TAFA5: variants seen among roughly 807,000 people sequenced by gnomAD.
The protein encoded by TAFA5 is chemokine-like protein TAFA-5.
Under a neutral mutation model 15.3 loss-of-function variants are expected in TAFA5, and 6 were observed. The observed-to-expected ratio is 0.39, with a 90% CI of 0.21 to 0.77. TAFA5 has a LOEUF of 0.77. Among genes scored for constraint, TAFA5 ranks in the 30% least tolerant of loss-of-function variants. TAFA5 has a pLI of 0.41. For synonymous variants in TAFA5, 103 were observed against 80.7 expected, an observed-to-expected ratio of 1.28 and a Z score of -1.48; for missense variants, 161 against 193.1, an observed-to-expected ratio of 0.83 and a Z score of 0.98.
intron 1 of TAFA5, among the ~76,000 whole-genome samples, chr22:48,611,704 C>T (rs1188441131): frequency 1.3e-5 from 2 of 152,192 alleles, no homozygotes; most frequent in African/African-American, 4.8e-5. Flanking sequence ...CTGGAAACCA[C>T]CTACCCACCC....
intron 1 of TAFA5, among the ~76,000 whole-genome samples, chr22:48,492,607 A>G (rs1268006525): frequency 2.6e-5 from 4 of 152,182 alleles, no homozygotes; most frequent in Admixed American, 2.0e-4. Flanking sequence ...GCTAGTTGCT[A>G]TAGTGACACA....
intron 2 of TAFA5, among the ~76,000 whole-genome samples, chr22:48,664,017 T>TA (rs1227761301): frequency 1.3e-5 from 2 of 152,182 alleles, no homozygotes; most frequent in South Asian, 2.1e-4. Context: ...AGATCTACAG[T>TA]AAAAAATCTT....
chr22:48,679,589 C>T lies in TAFA5; in HGVS notation c.263-28128C>T, dbSNP rs371524864. Among the ~76,000 whole-genome samples the T allele has an allele frequency of 1.4e-3, 24 of 16,816 alleles. 2 individuals carry two copies. The East Asian group carries it at 0.032, about 23-fold the overall frequency. 11.0% of individuals were successfully genotyped at this position (16,816 alleles called of 152,430 possible). A position where few individuals can be genotyped will look rare whatever the true frequency, so the allele number is the denominator to read the frequency against. On this transcript the variant is annotated intron_variant, in intron 2 of 3. Coordinates refer to ENST00000402357, the MANE Select transcript of TAFA5 (RefSeq NM_001082967.3). ...CCCGTCCATCCCTCTCCGGGCTCCC[C>T]GTCCATCCCTCTCCGGGCTCCCCGT... is the stretch of plus-strand genomic sequence containing the variant.
chr22:48,640,128 CGGCTCTTT>C (rs1569059826), intron 1 of TAFA5, among the ~76,000 whole-genome samples: 1 of 152,220 alleles, frequency 6.6e-6, no homozygotes, highest in African/African-American at 2.4e-5. Flanking sequence ...CCAGGCTCTT[CGGCTCTTT>C]GGCTCTGCAG....
intron 3 of TAFA5, among the ~76,000 whole-genome samples, chr22:48,720,030 C>T (rs997066091): frequency 6.6e-6 from 1 of 152,168 alleles, no homozygotes. Flanking sequence ...GCATTAGGCT[C>T]GATCTTCCTT....
chr22:48,540,449 C>T (rs1443292286), intron 1 of TAFA5, among the ~76,000 whole-genome samples: 2 of 152,152 alleles, frequency 1.3e-5, no homozygotes, highest in African/African-American at 2.4e-5. Flanking sequence ...ACCGATTACC[C>T]GACCTCTCTG....
chr22:48,582,311 G>A (rs530280496), intron 1 of TAFA5, among the ~76,000 whole-genome samples: 57 of 150,548 alleles, frequency 3.8e-4, no homozygotes, highest in African/African-American at 1.1e-3. Flanking sequence ...CACCCCACAC[G>A]CAAAATACAC....
chr22:48,722,643 A>T (rs130188), intron 3 of TAFA5, among the ~76,000 whole-genome samples: 1 of 151,764 alleles, frequency 6.6e-6, no homozygotes, highest in African/African-American at 2.4e-5. Flanking sequence ...ACCACGGCAC[A>T]TGTATACCTA....
intron 1 of TAFA5, among the ~76,000 whole-genome samples, chr22:48,632,956 G>A (rs1042574389): frequency 2.6e-5 from 4 of 152,198 alleles, no homozygotes; most frequent in Admixed American, 6.5e-5. Flanking sequence ...GGCTGCAGGC[G>A]TGCACTTCCT....
intron 1 of TAFA5, among the ~76,000 whole-genome samples, chr22:48,503,533 G>A (rs944450853): frequency 2.6e-5 from 4 of 152,238 alleles, no homozygotes; most frequent in African/African-American, 7.2e-5. Flanking sequence ...AGTGGAAGCC[G>A]GTAGCCAAAG....
chr22:48,652,520 G>A (rs1292674370), intron 2 of TAFA5, among the ~76,000 whole-genome samples: 4 of 152,216 alleles, frequency 2.6e-5, no homozygotes, highest in East Asian at 1.9e-4. Context: ...CCCTTCCTGC[G>A]TTGAGCCCTG....
At chr22:48,590,221 G>A (rs1601599788) in intron 1 of TAFA5, among the ~76,000 whole-genome samples, 2 of 152,306 alleles carry the variant, frequency 1.3e-5, no homozygotes. Flanking sequence ...GAAGAAGCTG[G>A]TTTTCCCGAG....
chr22:48,631,760 T>C (rs577473150), intron 1 of TAFA5, among the ~76,000 whole-genome samples: 1 of 152,310 alleles, frequency 6.6e-6, no homozygotes, highest in South Asian at 2.1e-4. Context: ...CCTCCAGGTT[T>C]CCTGACATTT....
At chr22:48,654,993 GGATCTGGTA>G (rs1927186158) in intron 2 of TAFA5, among the ~76,000 whole-genome samples, 1 of 152,202 alleles carries the variant, frequency 6.6e-6, no homozygotes, top group Admixed American at 6.5e-5. Flanking sequence ...AGCGTGTGGT[GGATCTGGTA>G]GTAGCTGGAT....
intron 1 of TAFA5, among the ~76,000 whole-genome samples, chr22:48,517,374 G>A (rs4823798): frequency 0.31 from 47,539 of 151,464 alleles, 7,908 homozygotes; most frequent in Middle Eastern, 0.43. Context: ...CTGGCCACTG[G>A]GACGGCTGGC....
At chr22:48,535,029 G>A (rs1363843710) in intron 1 of TAFA5, among the ~76,000 whole-genome samples, 2 of 152,118 alleles carry the variant, frequency 1.3e-5, no homozygotes, top group Admixed American at 1.3e-4. Context: ...CAGCGAACAG[G>A]GAACATTCCG....
chr22:48,617,811 TGG>T (rs1010181092), intron 1 of TAFA5, among the ~76,000 whole-genome samples: 1 of 150,086 alleles, frequency 6.7e-6, no homozygotes, highest in African/African-American at 2.5e-5. Flanking sequence ...AGCAGGGCCC[TGG>T]GGTTGAGTCC....
chr22:48,720,402 G>T (rs1156933725), intron 3 of TAFA5, among the ~76,000 whole-genome samples: 2 of 152,176 alleles, frequency 1.3e-5, no homozygotes, highest in Admixed American at 6.5e-5. Context: ...CACCCCTCGA[G>T]AATCGCTGGA....
chr22:48,540,316 C>A (rs1276088708), intron 1 of TAFA5, among the ~76,000 whole-genome samples: 1 of 152,170 alleles, frequency 6.6e-6, no homozygotes, highest in South Asian at 2.1e-4. Flanking sequence ...GGAGGTGGAT[C>A]CCCTGGGTGG....
Sources: allele counts gnomAD v4.1 joint callset (sites outside exome capture counted in the v4.1 genomes callset), GRCh38; gene constraint gnomAD v4.1.1; transcripts MANE v1.5; gene names NCBI Gene and HGNC (gene_info 2026-07-23, HGNC 2026-07-21).